Variants in CASK observed in about 807,000 individuals in gnomAD.
The protein encoded by CASK is peripheral plasma membrane protein CASK.
CASK carries 4 observed loss-of-function variants against 82.9 expected under a neutral mutation model. The ratio of observed to expected loss-of-function variants is 0.05; its 90% CI spans 0.02 to 0.11. The LOEUF (loss-of-function observed/expected upper bound fraction) is 0.11, where lower values mean the gene tolerates loss of function less well. CASK is among the 10% of genes least tolerant of loss of function. The pLI is 1.00. For synonymous variants in CASK, 259 were observed against 253.5 expected, an observed-to-expected ratio of 1.02 and a Z score of -0.20; for missense variants, 358 against 720.9, an observed-to-expected ratio of 0.50 and a Z score of 5.76.
At chrX:41,660,977 T>G (rs924930199) in intron 7 of CASK, among the ~76,000 whole-genome samples, 3 of 112,002 alleles carry the variant, frequency 2.7e-5, no homozygotes, top group Non-Finnish European at 3.8e-5. Flanking sequence ...AATTGTGAAC[T>G]GTGCAAAGTT....
rs191769966 is a variant in CASK, at chrX:41,745,295, C to A, written c.356+229G>T. 3.3e-3 allele frequency among the ~76,000 whole-genome samples: 369 copies of A among 111,758 alleles called. 3 individuals carry two copies. The highest frequency in any genetic ancestry group is 0.011 in the African/African-American group (346 of 30,782). On this transcript the variant is annotated intron_variant, in intron 4 of 26. Transcript: ENST00000378163. ...CCTCCCACAGTGCTGGGATTACAGG[C>A]GTGAGCCACCGTGCCTGGCCCCTAT...
At chrX:41,682,055 T>TAAA (rs35914567) in intron 5 of CASK, among the ~76,000 whole-genome samples, 1 of 67,797 alleles carries the variant, frequency 1.5e-5, no homozygotes, top group Non-Finnish European at 2.7e-5. Context: ...AGGACCATTG[T>TAAA]AAAAAAAAAA....
At chrX:41,695,310 CTTT>C (rs1331604938) in intron 5 of CASK, among the ~76,000 whole-genome samples, 1 of 87,755 alleles carries the variant, frequency 1.1e-5, no homozygotes, top group Admixed American at 1.3e-4. Flanking sequence ...TTTACACTGT[CTTT>C]TTTTTTTTTT....
rs1463375403 is a variant in CASK, at chrX:41,561,658, T to C, written c.1583-14A>G. The C allele has an allele frequency of 1.8e-6, 2 of 1,082,041 alleles. No homozygotes were observed. The highest frequency in any genetic ancestry group is 3.0e-5 in the East Asian group (1 of 33,201). The allele number at this position is 1,082,041 out of a possible 1,213,427, so 89.2% of individuals were successfully genotyped here. ...CATGAAGTGTACCTAAGAAATTATA[T>C]AACATTATAAACATGAAATGATATA... On this transcript the variant is annotated splice_polypyrimidine_tract_variant and intron_variant, in intron 16 of 26. Transcript: ENST00000378163.
rs1450262630 is a variant in CASK, at chrX:41,872,104, C to T, written c.60-18877G>A. Reference sequence around the variant, plus strand: ...TAGAGCCACACTCATCATTCGCTTACGCGTTGTGTATGACTGCTTTTTTGC... The same window carrying T: ...TAGAGCCACACTCATCATTCGCTTATGCGTTGTGTATGACTGCTTTTTTGC... On this transcript the variant is annotated intron_variant, in intron 1 of 26. Coordinates refer to ENST00000378163, the MANE Select transcript of CASK (RefSeq NM_001367721.1). Among the ~76,000 whole-genome samples, 4 of 112,755 alleles carry T rather than the reference C, an allele frequency of 3.5e-5. No homozygotes were observed. The East Asian group carries it at 8.3e-4, about 24-fold the overall frequency.
chrX:41,657,965 G>C (rs1017743005), intron 8 of CASK, among the ~76,000 whole-genome samples: 1 of 110,546 alleles, frequency 9.0e-6, no homozygotes. Flanking sequence ...GTAGGGGAGA[G>C]GTACCAAAGG....
chrX:41,669,862 T>C (rs1202273142), intron 6 of CASK, among the ~76,000 whole-genome samples: 1 of 111,489 alleles, frequency 9.0e-6, no homozygotes, highest in East Asian at 2.8e-4. Flanking sequence ...TGAAGAGATT[T>C]TGAACCAGTT....
At chrX:41,559,580 C>A in intron 18 of CASK, 199 bp downstream of exon 18, 1 of 465,194 alleles carries the variant, frequency 2.1e-6, no homozygotes, top group Non-Finnish European at 3.9e-6. Context: ...GTTCAAAGTG[C>A]TGAGGAGATC....
intron 20 of CASK, 63 bp from the exon 21 acceptor site, chrX:41,553,978 T>C: frequency 2.5e-6 from 2 of 797,079 alleles, no homozygotes; most frequent in Admixed American, 2.3e-5. Context: ...TTAGCTCTAA[T>C]GTCATAACCA....
At chrX:41,816,361 G>C in intron 2 of CASK, among the ~76,000 whole-genome samples, 1 of 110,922 alleles carries the variant, frequency 9.0e-6, no homozygotes, top group Admixed American at 9.6e-5. Flanking sequence ...AATTATAATT[G>C]ATAAAACAAG....
chrX:41,531,705 T>C (rs780564751), intron 24 of CASK, among the ~76,000 whole-genome samples: 2 of 112,673 alleles, frequency 1.8e-5, no homozygotes, highest in Non-Finnish European at 3.8e-5. Context: ...TAGTGGCCAC[T>C]GTACTGGACT....
At chrX:41,604,737 C>T (rs1301872442) in intron 12 of CASK, among the ~76,000 whole-genome samples, 3 of 112,130 alleles carry the variant, frequency 2.7e-5, no homozygotes. Flanking sequence ...TTTTTAAATA[C>T]AGGCATACTG....
intron 8 of CASK, among the ~76,000 whole-genome samples, chrX:41,647,685 G>A (rs2066783558): frequency 8.9e-6 from 1 of 111,895 alleles, no homozygotes; most frequent in Admixed American, 9.5e-5. Context: ...GCAGAAAAAC[G>A]TGGATTGTGA....
intron 5 of CASK, chrX:41,695,818 C>T: frequency 8.3e-7 from 1 of 1,203,975 alleles, no homozygotes; most frequent in South Asian, 1.8e-5. Flanking sequence ...ACATCCTACT[C>T]TGTTATTTTC....
At chrX:41,859,027 C>T (rs2071424900) in intron 1 of CASK, among the ~76,000 whole-genome samples, 1 of 110,970 alleles carries the variant, frequency 9.0e-6, no homozygotes, top group Non-Finnish European at 1.9e-5. Flanking sequence ...CTTTGAGTTG[C>T]TACATATAAA....
At chrX:41,718,564 T>C (rs1414384670) in intron 5 of CASK, among the ~76,000 whole-genome samples, 3 of 112,584 alleles carry the variant, frequency 2.7e-5, no homozygotes, top group Non-Finnish European at 3.8e-5. Context: ...TGCTTGTTCA[T>C]TGGGAGAAAT....
intron 21 of CASK, among the ~76,000 whole-genome samples, chrX:41,545,319 G>A (rs1475276578): frequency 1.8e-5 from 2 of 112,190 alleles, no homozygotes; most frequent in South Asian, 3.7e-4. Flanking sequence ...GAGCCACTGC[G>A]CCCGGCCTAG....
intron 1 of CASK, among the ~76,000 whole-genome samples, chrX:41,916,019 A>G (rs1253800232): frequency 4.7e-5 from 5 of 105,963 alleles, no homozygotes; most frequent in Non-Finnish European, 9.7e-5. Context: ...ACACACACGC[A>G]CACACAAATT....
At chrX:41,754,160 G>C (rs1240327788) in intron 3 of CASK, among the ~76,000 whole-genome samples, 2 of 111,415 alleles carry the variant, frequency 1.8e-5, no homozygotes, top group Non-Finnish European at 3.8e-5. Flanking sequence ...CACTCTGGGA[G>C]GCTGAGGTGG....
Sources: gnomAD v4.1 joint callset for allele counts (sites outside exome capture counted in the v4.1 genomes callset) on GRCh38, gnomAD v4.1.1 for gene constraint, MANE v1.5 for transcripts, NCBI Gene and HGNC (gene_info 2026-07-23, HGNC 2026-07-21) for gene names.